Variants in LPGAT1 observed in about 807,000 individuals in gnomAD.
The protein encoded by LPGAT1 is acyl-CoA:lysophosphatidylglycerol acyltransferase 1.
LPGAT1 carries 11 observed loss-of-function variants against 47.5 expected under a neutral mutation model. The ratio of observed to expected loss-of-function variants is 0.23; its 90% CI spans 0.15 to 0.38. The LOEUF is 0.38. Among genes scored for constraint, LPGAT1 ranks in the 10% least tolerant of loss-of-function variants. The pLI is 1.00. For synonymous variants in LPGAT1, 138 were observed against 144.2 expected, an observed-to-expected ratio of 0.96 and a Z score of 0.31; for missense variants, 293 against 439.0, an observed-to-expected ratio of 0.67 and a Z score of 2.97.
chr1:211,776,348 C>A (rs1478857383), intron 6 of LPGAT1, among the ~76,000 whole-genome samples: 5 of 152,066 alleles, frequency 3.3e-5, no homozygotes, highest in South Asian at 2.1e-4. Flanking sequence ...ACCAGCCTGG[C>A]CAACATGGTG....
At chr1:211,794,312 T>C (rs1659261530) in intron 2 of LPGAT1, among the ~76,000 whole-genome samples, 1 of 152,190 alleles carries the variant, frequency 6.6e-6, no homozygotes, top group African/African-American at 2.4e-5. Flanking sequence ...ATTTTTAACT[T>C]TTTTGAGACA....
chr1:211,775,503 T>C (rs189434735), intron 6 of LPGAT1, among the ~76,000 whole-genome samples: 9 of 152,314 alleles, frequency 5.9e-5, no homozygotes, highest in Admixed American at 5.2e-4. Flanking sequence ...AGAGGACAGT[T>C]ATTGCCCTCT....
chr1:211,823,092 C>T (rs565570000), intron 2 of LPGAT1, among the ~76,000 whole-genome samples: 7 of 152,230 alleles, frequency 4.6e-5, no homozygotes, highest in African/African-American at 1.7e-4. Context: ...AATTAAGAAA[C>T]ACTCTAGGAA....
Position 211,830,168 on chromosome 1 carries a change from G to A in LPGAT1, c.-28+405C>T, listed in dbSNP as rs1373019085. 10 of 983,052 alleles carry A rather than the reference G, an allele frequency of 1.0e-5. No homozygotes were observed. The African/African-American group carries it at 1.8e-4, about 17-fold the overall frequency. The allele number at this position is 983,052 out of a possible 1,614,324, so 60.9% of individuals were successfully genotyped here. On this transcript the variant is annotated intron_variant, in intron 1 of 7. Transcript: ENST00000366997. This position sits in a 1 kb window ranked among gnomAD's most constrained non-coding sequence, Gnocchi z 5.9. ...AGGGTCGTGGCGGCGGGCGCGGCCC[G>A]CGCGCCGGGCTCACCTCGGCGGGCG... is the stretch of plus-strand genomic sequence containing the variant.
chr1:211,746,353 C>T lies in LPGAT1; in HGVS notation c.*3546G>A, dbSNP rs1656941831. On this transcript the variant is annotated 3_prime_UTR_variant, in exon 8 of 8. Coordinates refer to ENST00000366997, the MANE Select transcript of LPGAT1 (RefSeq NM_014873.3). ...GCCAATTTTTGATTATTCAGGGATG[C>T]TTTTCTAACCCATAGATTATTCAGG... 1 of 152,428 alleles carries T rather than the reference C, an allele frequency of 6.6e-6. No homozygotes were observed. The highest frequency in any genetic ancestry group is 6.6e-5 in the Admixed American group (1 of 15,262). The allele number at this position is 152,428 out of a possible 1,614,324, so 9.4% of individuals were successfully genotyped here. A position where few individuals can be genotyped will look rare whatever the true frequency, so the allele number is the denominator to read the frequency against.
At chr1:211,827,978 C>T (rs765767499) in intron 2 of LPGAT1, among the ~76,000 whole-genome samples, 2 of 152,198 alleles carry the variant, frequency 1.3e-5, no homozygotes, top group Non-Finnish European at 2.9e-5. Flanking sequence ...TGTCAGACTC[C>T]ATAAAAGCTG....
At chr1:211,811,429 A>C (rs1479316087) in intron 2 of LPGAT1, among the ~76,000 whole-genome samples, 1 of 152,208 alleles carries the variant, frequency 6.6e-6, no homozygotes, top group Non-Finnish European at 1.5e-5. Flanking sequence ...GGAATGATGG[A>C]GGCTAGTTTG....
chr1:211,829,328 G>A lies in LPGAT1; in HGVS notation c.-27-5C>T. 1 of 1,607,686 alleles carries A rather than the reference G, an allele frequency of 6.2e-7. No homozygotes were observed. The highest frequency in any genetic ancestry group is 8.5e-7 in the Non-Finnish European group (1 of 1,176,354). ...ACTGGACTCCGTCCTGTCTTTCTGG[G>A]GTGAAAGAAAAATTCACTTAAAAAG... On this transcript the variant is annotated splice_polypyrimidine_tract_variant and splice_region_variant and intron_variant, in intron 1 of 7. Coordinates refer to ENST00000366997, the MANE Select transcript of LPGAT1 (RefSeq NM_014873.3).
intron 6 of LPGAT1, among the ~76,000 whole-genome samples, chr1:211,769,302 G>A (rs1174094888): frequency 6.6e-6 from 1 of 152,170 alleles, no homozygotes; most frequent in Non-Finnish European, 1.5e-5. Flanking sequence ...TGTGGAATAT[G>A]AGAGAAAAAG....
intron 5 of LPGAT1, among the ~76,000 whole-genome samples, chr1:211,779,386 T>C (rs1422714894): frequency 6.6e-6 from 1 of 151,998 alleles, no homozygotes; most frequent in Non-Finnish European, 1.5e-5. Context: ...TAAACTCACA[T>C]CACAGAAACA....
chr1:211,823,265 C>T (rs976400565), intron 2 of LPGAT1, among the ~76,000 whole-genome samples: 6 of 152,116 alleles, frequency 3.9e-5, no homozygotes, highest in South Asian at 2.1e-4. Flanking sequence ...AAAATTATTG[C>T]GATCATTAAG....
intron 6 of LPGAT1, among the ~76,000 whole-genome samples, chr1:211,758,837 A>C (rs910365579): frequency 1.9e-4 from 29 of 152,238 alleles, no homozygotes; most frequent in Admixed American, 1.3e-4. Flanking sequence ...TTTTATAGAT[A>C]CCATTAATCA....
At chr1:211,803,454 G>A (rs1659647707) in intron 2 of LPGAT1, among the ~76,000 whole-genome samples, 1 of 152,134 alleles carries the variant, frequency 6.6e-6, no homozygotes, top group South Asian at 2.1e-4. Context: ...TTCCCAGACA[G>A]ACTTTCCAAA....
intron 2 of LPGAT1, among the ~76,000 whole-genome samples, chr1:211,827,154 C>T (rs180812021): frequency 7.2e-4 from 109 of 152,246 alleles, no homozygotes; most frequent in African/African-American, 2.4e-3. Context: ...AAAATATATA[C>T]ATTAAAACAG....
At chr1:211,785,795 C>T (rs1440453169) in intron 4 of LPGAT1, among the ~76,000 whole-genome samples, 1 of 151,990 alleles carries the variant, frequency 6.6e-6, no homozygotes, top group African/African-American at 2.4e-5. Flanking sequence ...TTAGTAGAAA[C>T]AGGCCTTCAC....
In LPGAT1 at chr1:211,793,287, T is replaced by C. The variant is rs755998470; in HGVS notation, c.239-97A>G. ...AAAATGATGTATATTAATGATGATATGTCACCTAGCTAAAACATCCGAAAG... is the reference window on the plus strand; with the variant it reads ...AAAATGATGTATATTAATGATGATACGTCACCTAGCTAAAACATCCGAAAG... On this transcript the variant is annotated intron_variant, in intron 2 of 7. Transcript: ENST00000366997. The C allele has an allele frequency of 1.3e-5, 9 of 696,508 alleles. No individual in the cohort carries two copies. In the African/African-American group the frequency reaches 1.3e-4, roughly 10 times the overall value. The allele number at this position is 696,508 out of a possible 1,614,324, so 43.1% of individuals were successfully genotyped here.
chr1:211,788,989 T>G (rs1659000888), intron 3 of LPGAT1, among the ~76,000 whole-genome samples: 1 of 152,220 alleles, frequency 6.6e-6, no homozygotes, highest in Non-Finnish European at 1.5e-5. Flanking sequence ...AGCTTCTGCC[T>G]TAGTTTTCCA....
intron 2 of LPGAT1, among the ~76,000 whole-genome samples, chr1:211,796,758 T>C (rs1347093258): frequency 6.6e-6 from 1 of 152,190 alleles, no homozygotes; most frequent in Non-Finnish European, 1.5e-5. Flanking sequence ...TCTTTTAATA[T>C]TCAGCACATT....
chr1:211,795,253 T>C (rs1431583401), intron 2 of LPGAT1, among the ~76,000 whole-genome samples: 5 of 152,194 alleles, frequency 3.3e-5, no homozygotes, highest in Non-Finnish European at 5.9e-5. Context: ...ATCTATGCAA[T>C]GGAATATTAT....
Sources: allele counts gnomAD v4.1 joint callset (sites outside exome capture counted in the v4.1 genomes callset), GRCh38; gene constraint gnomAD v4.1.1; non-coding constraint Gnocchi (gnomAD v3.1); transcripts MANE v1.5; gene names NCBI Gene and HGNC (gene_info 2026-07-23, HGNC 2026-07-21).